The following PTPRE variants were observed in gnomAD, a reference collection of about 807,000 sequenced individuals.
PTPRE encodes the protein protein tyrosine phosphatase receptor type E.
Under a neutral mutation model 102.0 loss-of-function variants are expected in PTPRE, and 51 were observed. The ratio of observed to expected loss-of-function variants is 0.50; its 90% CI spans 0.40 to 0.63. The LOEUF is 0.63. PTPRE is among the 30% of genes least tolerant of loss of function. PTPRE has a pLI of 0.00. For synonymous variants in PTPRE, 345 were observed against 348.2 expected, an observed-to-expected ratio of 0.99 and a Z score of 0.10; for missense variants, 752 against 915.1, an observed-to-expected ratio of 0.82 and a Z score of 2.30.
intron 2 of PTPRE, among the ~76,000 whole-genome samples, chr10:127,983,012 T>C (rs1296065192): frequency 6.6e-6 from 1 of 152,178 alleles, no homozygotes; most frequent in African/African-American, 2.4e-5. Context: ...TGTGCTTGCT[T>C]TTAGCGGGCA....
In PTPRE at chr10:127,944,767, G is replaced by A. The variant is rs1430319290; in HGVS notation, c.-31+37458G>A. Among the ~76,000 whole-genome samples, 1 of 152,154 alleles carries A rather than the reference G, an allele frequency of 6.6e-6. No homozygotes were observed. Among genetic ancestry groups the A allele is most frequent in the African/African-American group, 2.4e-5 (1 of 41,426 alleles). The stretch of plus-strand genomic sequence containing the variant: ...TGTAGGTACAAGACTGGAAGCAAGA[G>A]ACTAGCTAGGGGGTTGTTGCAGTGA... On this transcript the variant is annotated intron_variant, in intron 1 of 20. Transcript: ENST00000254667. This position sits in a 1 kb window ranked among gnomAD's most constrained non-coding sequence, Gnocchi z 4.2.
chr10:128,030,835 C>T (rs535162553), intron 2 of PTPRE, among the ~76,000 whole-genome samples: 1 of 152,282 alleles, frequency 6.6e-6, no homozygotes, highest in Non-Finnish European at 1.5e-5. Context: ...ACCTCCCCAG[C>T]CTCCTTGGAC....
chr10:128,018,902 T>A (rs1845644521), intron 2 of PTPRE, among the ~76,000 whole-genome samples: 1 of 151,902 alleles, frequency 6.6e-6, no homozygotes. Context: ...ACACAGCACA[T>A]ACAGATAGAC....
chr10:128,008,211 T>C lies in PTPRE; in HGVS notation c.-8+25915T>C, dbSNP rs150330435. On this transcript the variant is annotated intron_variant, in intron 2 of 20. Transcript: ENST00000254667. This position sits in a 1 kb window ranked among gnomAD's most constrained non-coding sequence, Gnocchi z 4.0. ...CATCTCTGTCTGCAGCCCCGCTGGC[T>C]CGTCCGCCCTCGCCTCCCTCCCTCC... Among the ~76,000 whole-genome samples, 1,939 of 152,066 alleles carry C rather than the reference T, an allele frequency of 0.013. 43 individuals are homozygous for C. Among genetic ancestry groups the C allele is most frequent in the African/African-American group, 0.044 (1,841 of 41,478 alleles).
At chr10:127,985,813 G>A (rs1175315299) in intron 2 of PTPRE, among the ~76,000 whole-genome samples, 14 of 151,954 alleles carry the variant, frequency 9.2e-5, no homozygotes, top group Admixed American at 5.9e-4. Flanking sequence ...CATCTAGGCC[G>A]GGTGCGGTGG....
chr10:127,990,430 AAAAG>A (rs1564855577), intron 2 of PTPRE, among the ~76,000 whole-genome samples: 3 of 151,452 alleles, frequency 2.0e-5, no homozygotes, highest in Non-Finnish European at 4.4e-5. Context: ...AAAAAAAAAA[AAAAG>A]AAAGAAAAGA....
At chr10:128,082,646 C>T (rs60242265) in intron 20 of PTPRE, among the ~76,000 whole-genome samples, 186 bp from the exon 21 acceptor site, 20 of 152,158 alleles carry the variant, frequency 1.3e-4, no homozygotes, top group Admixed American at 3.3e-4. Context: ...ACACATTCTA[C>T]GTAGAAAAAC....
chr10:127,930,801 T>G (rs1189411192), intron 1 of PTPRE, among the ~76,000 whole-genome samples: 2 of 151,290 alleles, frequency 1.3e-5, no homozygotes, highest in African/African-American at 4.8e-5. Flanking sequence ...TATTTACTTT[T>G]TTTTTTTTTT....
At chr10:128,073,809 A>G (rs944468463) in intron 17 of PTPRE, among the ~76,000 whole-genome samples, 1 of 152,232 alleles carries the variant, frequency 6.6e-6, no homozygotes, top group African/African-American at 2.4e-5. Flanking sequence ...TGAAGACAAC[A>G]GTAAACCCAA....
At chr10:127,992,845 C>T (rs781404919) in intron 2 of PTPRE, among the ~76,000 whole-genome samples, 10 of 152,204 alleles carry the variant, frequency 6.6e-5, no homozygotes, top group African/African-American at 9.6e-5. Flanking sequence ...AAGCCAGGTG[C>T]GTGCCCAGGC....
At chr10:127,924,815 A>G (rs995766940) in intron 1 of PTPRE, among the ~76,000 whole-genome samples, 1 of 152,224 alleles carries the variant, frequency 6.6e-6, no homozygotes, top group Non-Finnish European at 1.5e-5. Flanking sequence ...AAAATCTAGA[A>G]GTTATGGAGC....
chr10:128,084,240 A>G lies in PTPRE; in HGVS notation c.*1334A>G, dbSNP rs1346989417. 1 of 152,170 alleles carries G rather than the reference A, an allele frequency of 6.6e-6. No individual in the cohort carries two copies. Among genetic ancestry groups the G allele is most frequent in the African/African-American group, 2.4e-5 (1 of 41,430 alleles). The allele number at this position is 152,170 out of a possible 1,614,324, so 9.4% of individuals were successfully genotyped here. ...TAGGTACCTAGCAGATGTGCACAAT[A>G]TAAACAAAAAGATATCTGGCCTACC... On this transcript the variant is annotated 3_prime_UTR_variant, in exon 21 of 21. Coordinates refer to ENST00000254667, the MANE Select transcript of PTPRE (RefSeq NM_006504.6).
intron 2 of PTPRE, among the ~76,000 whole-genome samples, chr10:128,032,432 C>A (rs1846843436): frequency 6.6e-6 from 1 of 152,238 alleles, no homozygotes; most frequent in African/African-American, 2.4e-5. Context: ...AGGATGGAGA[C>A]ACCTGTGTAG....
chr10:128,073,972 A>G (rs971465493), intron 17 of PTPRE, among the ~76,000 whole-genome samples: 53 of 152,242 alleles, frequency 3.5e-4, no homozygotes, highest in African/African-American at 1.2e-3. Flanking sequence ...TAAAGGGTAC[A>G]ATTCAGTGAA....
intron 2 of PTPRE, among the ~76,000 whole-genome samples, chr10:128,038,719 G>C (rs573532265): frequency 6.6e-6 from 1 of 152,238 alleles, no homozygotes; most frequent in East Asian, 1.9e-4. Flanking sequence ...TGACGAGTTA[G>C]TGGGTGCAGC....
At chr10:127,929,770 T>G (rs1847282142) in intron 1 of PTPRE, 1 of 152,150 alleles carries the variant, frequency 6.6e-6, no homozygotes, top group Admixed American at 6.6e-5. Context: ...AAAACATTGT[T>G]TTTAGGCCTG....
chr10:127,970,258 C>A (rs1850623279), intron 1 of PTPRE, among the ~76,000 whole-genome samples: 1 of 152,176 alleles, frequency 6.6e-6, no homozygotes, highest in South Asian at 2.1e-4. Context: ...TCCAGGAACC[C>A]AGCTGCCACC....
chr10:128,026,411 CTG>C lies in PTPRE; in HGVS notation c.-7-14462_-7-14461del, dbSNP rs546521225. Among the ~76,000 whole-genome samples, 148 of 152,370 alleles carry C rather than the reference CTG, an allele frequency of 9.7e-4. 1 individual carries two copies. The highest frequency in any genetic ancestry group is 6.5e-4 in the Non-Finnish European group (44 of 68,036). ...GGCTGGCACCTGACCTCTCCCCAGTCTGTCTTCAGTGAAGGAAGATATAGAAC... is the reference window on the plus strand; with the variant it reads ...GGCTGGCACCTGACCTCTCCCCAGTCTCTTCAGTGAAGGAAGATATAGAAC... On this transcript the variant is annotated intron_variant, in intron 2 of 20. Transcript: ENST00000254667.
chr10:128,023,214 A>G (rs1292641993), intron 2 of PTPRE, among the ~76,000 whole-genome samples: 2 of 152,158 alleles, frequency 1.3e-5, no homozygotes, highest in Admixed American at 1.3e-4. Context: ...GATTTATAAA[A>G]TAAACTTTAT....
Sources: allele counts gnomAD v4.1 joint callset (sites outside exome capture counted in the v4.1 genomes callset), GRCh38; gene constraint gnomAD v4.1.1; non-coding constraint Gnocchi (gnomAD v3.1); transcripts MANE v1.5; gene names NCBI Gene and HGNC (gene_info 2026-07-23, HGNC 2026-07-21).